Variants in CSGALNACT1 observed in about 807,000 individuals in gnomAD.
CSGALNACT1 encodes beta4GalNAcT-1.
In CSGALNACT1, 52 loss-of-function variants were observed where a neutral mutation model predicts 51.0. The ratio of observed to expected loss-of-function variants is 1.02; its 90% CI spans 0.82 to 1.29. The LOEUF (loss-of-function observed/expected upper bound fraction) is 1.29. Ranked by LOEUF, CSGALNACT1 falls within the 50% of genes most tolerant of loss-of-function variation. The probability of loss-of-function intolerance (pLI) is 0.00; values close to 1 mark genes in which losing one functional copy is unlikely to be tolerated. For synonymous variants in CSGALNACT1, 341 were observed against 254.4 expected, an observed-to-expected ratio of 1.34 and a Z score of -3.24; for missense variants, 935 against 679.2, an observed-to-expected ratio of 1.38 and a Z score of -4.19.
intron 3 of CSGALNACT1, among the ~76,000 whole-genome samples, chr8:19,518,149 G>A (rs1347429992): frequency 6.6e-6 from 1 of 152,182 alleles, no homozygotes; most frequent in Admixed American, 6.5e-5. Context: ...TTCTGATACA[G>A]GAGTTAAGAA....
intron 1 of CSGALNACT1, among the ~76,000 whole-genome samples, chr8:19,610,992 C>T (rs1479955336): frequency 2.0e-5 from 3 of 152,202 alleles, no homozygotes; most frequent in Non-Finnish European, 2.9e-5. Flanking sequence ...TCTGTATGCC[C>T]CTCTAGAGCT....
chr8:19,712,344 C>A (rs1041566688), intron 1 of CSGALNACT1, among the ~76,000 whole-genome samples: 25 of 152,138 alleles, frequency 1.6e-4, no homozygotes, highest in Admixed American at 3.9e-4. Flanking sequence ...AGCTCTTCAA[C>A]ACTAAAACTC....
chr8:19,468,582 G>A (rs575685663), intron 4 of CSGALNACT1, among the ~76,000 whole-genome samples: 7 of 152,224 alleles, frequency 4.6e-5, no homozygotes, highest in East Asian at 3.9e-4. Context: ...AAAGAACCAC[G>A]ATGGTTTAGC....
rs1020018176 is a variant in CSGALNACT1 at position 19,435,530 on chromosome 8, G to A, written c.953+4300C>T. 1.5e-4 allele frequency among the ~76,000 whole-genome samples: 23 copies of A among 151,574 alleles called. No individual in the cohort carries two copies. The South Asian group carries it at 1.7e-3, about 11-fold the overall frequency. ...AAATTCCTATTACATAGCTCCAAGC[G>A]AGTATCTAAAGCAGCATTTCTCACA... On this transcript the variant is annotated intron_variant, in intron 6 of 9. Coordinates refer to ENST00000454498, the Ensembl canonical transcript of CSGALNACT1.
chr8:19,608,047 G>C (rs745639309), intron 1 of CSGALNACT1, among the ~76,000 whole-genome samples: 2 of 152,324 alleles, frequency 1.3e-5, no homozygotes, highest in South Asian at 4.1e-4. Flanking sequence ...GCTAACTGAT[G>C]AAGAGTAGTT....
intron 1 of CSGALNACT1, among the ~76,000 whole-genome samples, chr8:19,697,702 C>G (rs1309843046): frequency 6.6e-6 from 1 of 152,048 alleles, no homozygotes; most frequent in East Asian, 1.9e-4. Context: ...CGAGCAGAGT[C>G]AGAGGCAATG....
chr8:19,724,912 T>G (rs2154241774), intron 1 of CSGALNACT1, among the ~76,000 whole-genome samples: 1 of 152,298 alleles, frequency 6.6e-6, no homozygotes, highest in African/African-American at 2.4e-5. Flanking sequence ...TGGCTGGTGA[T>G]GGATGACTAT....
chr8:19,551,349 G>A (rs1287896043), intron 3 of CSGALNACT1, among the ~76,000 whole-genome samples: 1 of 152,062 alleles, frequency 6.6e-6, no homozygotes, highest in African/African-American at 2.4e-5. Flanking sequence ...AGCCCATGAA[G>A]CATGTCAGGA....
intron 3 of CSGALNACT1, among the ~76,000 whole-genome samples, chr8:19,589,238 G>A (rs1267021169): frequency 2.6e-5 from 4 of 152,170 alleles, no homozygotes; most frequent in Admixed American, 6.5e-5. Context: ...CTCTGAAAAC[G>A]TCAGACTAGG....
intron 4 of CSGALNACT1, among the ~76,000 whole-genome samples, chr8:19,477,380 G>A (rs185585865): frequency 5.3e-5 from 8 of 152,298 alleles, no homozygotes; most frequent in Non-Finnish European, 1.0e-4. Context: ...CCACACAACT[G>A]AGCACGGCTA....
At chr8:19,599,447 GAA>G (rs1410226960) in intron 2 of CSGALNACT1, among the ~76,000 whole-genome samples, 1 of 88,502 alleles carries the variant, frequency 1.1e-5, no homozygotes, top group Admixed American at 1.3e-4. Context: ...GAAAGAAAAA[GAA>G]AAAGAAAAGA....
At chr8:19,604,128 G>T (rs1187722578), upstream of CSGALNACT1, among the ~76,000 whole-genome samples, 1 of 152,138 alleles carries the variant, frequency 6.6e-6, no homozygotes, top group East Asian at 1.9e-4. Flanking sequence ...CTCCAGAGAA[G>T]AGTCATCTCA....
intron 1 of CSGALNACT1, among the ~76,000 whole-genome samples, chr8:19,721,841 A>G (rs1322291442): frequency 6.6e-6 from 1 of 152,230 alleles, no homozygotes; most frequent in African/African-American, 2.4e-5. Context: ...CAATACTTCT[A>G]TGGATCATTA....
chr8:19,614,138 C>A (rs547294376), intron 1 of CSGALNACT1, among the ~76,000 whole-genome samples: 1 of 152,140 alleles, frequency 6.6e-6, no homozygotes, highest in Non-Finnish European at 1.5e-5. Flanking sequence ...TTAATGCCCC[C>A]TTTTAAAAAC....
chr8:19,686,336 C>T (rs1490416188), upstream of CSGALNACT1, among the ~76,000 whole-genome samples: 1 of 152,200 alleles, frequency 6.6e-6, no homozygotes. Context: ...AGAAAAAGCT[C>T]ACTCTCACTT....
chr8:19,439,885 AAAC>A, exon 6 of CSGALNACT1: 1 of 1,614,192 alleles, frequency 6.2e-7, no homozygotes, highest in Non-Finnish European at 8.5e-7. Context: ...TTCCCAAAGT[AAAC>A]AACAGTGAGA....
intron 6 of CSGALNACT1, among the ~76,000 whole-genome samples, chr8:19,438,976 T>C (rs776917814): frequency 2.1e-4 from 32 of 152,196 alleles, no homozygotes; most frequent in Non-Finnish European, 4.4e-4. Flanking sequence ...ATGATATGGA[T>C]CTACTCAGAC....
intron 3 of CSGALNACT1, among the ~76,000 whole-genome samples, chr8:19,527,422 G>A (rs1193277325): frequency 6.6e-6 from 1 of 152,056 alleles, no homozygotes; most frequent in Non-Finnish European, 1.5e-5. Context: ...CCAATATGGT[G>A]AACCAACCCC....
In CSGALNACT1 at chr8:19,739,167, G is replaced by C. The variant is rs116678297; in HGVS notation, c.-297+18683C>G. ...GGTATGCTTCTATCGTGCTACTCAA[G>C]GAAAAATCTAGTAGGCCCTGTAATT... is the stretch of plus-strand genomic sequence containing the variant. On this transcript the variant is annotated intron_variant, in intron 1 of 1. Coordinates refer to the CSGALNACT1 transcript ENST00000517494. Among the ~76,000 whole-genome samples the C allele has an allele frequency of 9.4e-3, 1,418 of 151,628 alleles. 30 individuals carry two copies. Among genetic ancestry groups the C allele is most frequent in the African/African-American group, 0.033 (1,364 of 41,298 alleles).
Sources: gnomAD v4.1 joint callset for allele counts (sites outside exome capture counted in the v4.1 genomes callset) on GRCh38, gnomAD v4.1.1 for gene constraint, MANE v1.5 for transcripts, NCBI Gene and HGNC (gene_info 2026-07-23, HGNC 2026-07-21) for gene names.